DENND10: variants seen among roughly 807,000 people sequenced by gnomAD.
DENND10 encodes the protein DENN domain-containing protein 10.
DENND10 carries 24 observed loss-of-function variants against 43.6 expected under a neutral mutation model. That is an observed-to-expected ratio of 0.55 (90% confidence interval 0.40 to 0.77). The LOEUF is 0.77. Ranked by LOEUF, DENND10 falls within the 30% of genes least tolerant of loss-of-function variation. The pLI, the probability that DENND10 is intolerant of heterozygous loss-of-function variation, is 0.00. For synonymous variants in DENND10, 125 were observed against 157.6 expected, an observed-to-expected ratio of 0.79 and a Z score of 1.55; for missense variants, 303 against 429.9, an observed-to-expected ratio of 0.70 and a Z score of 2.61.
chr10:119,105,512 A>G (rs1450272263), intron 1 of DENND10: 6 of 1,174,146 alleles, frequency 5.1e-6, no homozygotes, highest in Non-Finnish European at 5.4e-6. Context: ...TACTGTATTT[A>G]TTTCTAATGT....
chr10:119,129,324 T>C (rs1222269859), intron 6 of DENND10, among the ~76,000 whole-genome samples, 191 bp from the exon 7 acceptor site: 1 of 152,260 alleles, frequency 6.6e-6, no homozygotes, highest in Non-Finnish European at 1.5e-5. Context: ...TTGGAATATC[T>C]GGCGTTGTGT....
intron 8 of DENND10, chr10:119,134,165 C>T (rs1397070391): frequency 6.6e-6 from 1 of 151,922 alleles, no homozygotes; most frequent in East Asian, 1.9e-4. Context: ...TCCCACGTAG[C>T]AGGCACTGGG....
chr10:119,122,874 G>A (rs865899231), intron 5 of DENND10, among the ~76,000 whole-genome samples: 1 of 152,030 alleles, frequency 6.6e-6, no homozygotes, highest in Non-Finnish European at 1.5e-5. Flanking sequence ...TTTTTCAGAG[G>A]AAAACCTTAG....
chr10:119,133,372 G>C (rs563600242), intron 8 of DENND10: 2 of 152,220 alleles, frequency 1.3e-5, no homozygotes, highest in South Asian at 4.1e-4. Context: ...CTGGGGGTAC[G>C]GGGGCACCTC....
intron 1 of DENND10, among the ~76,000 whole-genome samples, chr10:119,106,480 A>G (rs934763304): frequency 6.6e-6 from 1 of 152,134 alleles, no homozygotes; most frequent in South Asian, 2.1e-4. Flanking sequence ...AGCTGGGACC[A>G]TAGGCACACA....
At chr10:119,117,878 A>T (rs1345923257) in intron 4 of DENND10, among the ~76,000 whole-genome samples, 5 of 152,144 alleles carry the variant, frequency 3.3e-5, no homozygotes. Flanking sequence ...GAGGCAGGAG[A>T]ATCAGTTGAA....
At chr10:119,107,282 G>A (rs935090991) in intron 1 of DENND10, among the ~76,000 whole-genome samples, 11 of 145,068 alleles carry the variant, frequency 7.6e-5, no homozygotes, top group East Asian at 4.0e-4. Context: ...CCTGGGTGAC[G>A]GTGAGACTCC....
At chr10:119,120,999 G>C (rs1438221677) in intron 5 of DENND10, among the ~76,000 whole-genome samples, 1 of 151,812 alleles carries the variant, frequency 6.6e-6, no homozygotes, top group East Asian at 1.9e-4. Context: ...ATTTTTAGTA[G>C]AGATGGGGTC....
intron 8 of DENND10, chr10:119,134,754 G>A (rs903882570): frequency 5.9e-5 from 9 of 152,188 alleles, no homozygotes; most frequent in Non-Finnish European, 1.0e-4. Context: ...GGCAGAAGAG[G>A]ACTTTTGGGA....
chr10:119,131,201 G>A (rs1362474167), intron 7 of DENND10, among the ~76,000 whole-genome samples: 1 of 152,220 alleles, frequency 6.6e-6, no homozygotes, highest in African/African-American at 2.4e-5. Flanking sequence ...GCTCACGCCT[G>A]TAATCCCAGC....
chr10:119,104,487 C>T (rs1164921040), intron 1 of DENND10, among the ~76,000 whole-genome samples: 1 of 150,826 alleles, frequency 6.6e-6, no homozygotes, highest in Non-Finnish European at 1.5e-5. Flanking sequence ...CTGCACGCCC[C>T]GGGTTGCCCG....
rs397845392 is a variant in DENND10 at position 119,115,382 on chromosome 10, A to ATTTTTTTTTTTTTTTTTTTTTT, written c.333-2135_333-2114dup. Among the ~76,000 whole-genome samples the ATTTTTTTTTTTTTTTTTTTTTT allele has an allele frequency of 1.9e-4, 9 of 48,414 alleles. 2 individuals are homozygous for ATTTTTTTTTTTTTTTTTTTTTT. The highest frequency in any genetic ancestry group is 7.1e-4 in the Admixed American group (2 of 2,832). The allele number at this position is 48,414 out of a possible 152,430, so 31.8% of individuals were successfully genotyped here. ...CGTCAAGTTGTGAATTGAATTGGTA[A>ATTTTTTTTTTTTTTTTTTTTTT]TTTTTTTTTTTTTTTTTTTTTTTGA... On this transcript the variant is annotated intron_variant, in intron 3 of 8. Coordinates refer to ENST00000361432, the MANE Select transcript of DENND10 (RefSeq NM_207009.4).
chr10:119,110,903 T>C (rs1844942711), intron 2 of DENND10, among the ~76,000 whole-genome samples: 1 of 152,222 alleles, frequency 6.6e-6, no homozygotes, highest in African/African-American at 2.4e-5. Context: ...GTAGTGTGAC[T>C]ATGATTAAGA....
chr10:119,136,428 T>C (rs1239089165), intron 8 of DENND10, 43 bp from the exon 9 acceptor site: 1 of 1,565,406 alleles, frequency 6.4e-7, no homozygotes, highest in Non-Finnish European at 8.6e-7. Context: ...TATTCAAATT[T>C]CGGATACTAA....
intron 5 of DENND10, among the ~76,000 whole-genome samples, chr10:119,121,324 A>G (rs573167564): frequency 6.7e-6 from 1 of 149,460 alleles, no homozygotes; most frequent in African/African-American, 2.5e-5. Flanking sequence ...TTTTGTCGAG[A>G]TGGGGTTTCT....
intron 5 of DENND10, 85 bp from the exon 6 acceptor site, chr10:119,123,384 C>T (rs1259139092): frequency 2.1e-6 from 2 of 969,950 alleles, no homozygotes; most frequent in Non-Finnish European, 3.2e-6. Context: ...CTCTTCATTT[C>T]CTTCTCAGGA....
chr10:119,115,506 G>A (rs1845215578), intron 3 of DENND10, among the ~76,000 whole-genome samples: 1 of 101,776 alleles, frequency 9.8e-6, no homozygotes, highest in South Asian at 4.2e-4. Context: ...TCCTGCCTCA[G>A]CCTCCCAAGT....
chr10:119,123,621 T>C (rs78042341), intron 6 of DENND10, 52 bp downstream of exon 6: 1 of 1,336,318 alleles, frequency 7.5e-7, no homozygotes, highest in Non-Finnish European at 1.1e-6. Context: ...TTTTTTTTTT[T>C]TTCCTGAGAC....
At chr10:119,111,030 G>T (rs965351646) in intron 2 of DENND10, among the ~76,000 whole-genome samples, 1 of 152,070 alleles carries the variant, frequency 6.6e-6, no homozygotes, top group Admixed American at 6.6e-5. Context: ...GGGAGCTGAG[G>T]TGGGTGGATC....
Sources: gnomAD v4.1 joint callset for allele counts (sites outside exome capture counted in the v4.1 genomes callset) on GRCh38, gnomAD v4.1.1 for gene constraint, MANE v1.5 for transcripts, NCBI Gene and HGNC (gene_info 2026-07-23, HGNC 2026-07-21) for gene names.